Variants in STK3 observed in about 807,000 individuals in gnomAD.
STK3 encodes the protein serine/threonine kinase 3.
Under a neutral mutation model 58.0 loss-of-function variants are expected in STK3, and 41 were observed. That is an observed-to-expected ratio of 0.71 (90% CI 0.55 to 0.92). STK3 has a LOEUF of 0.92. Among genes scored for constraint, STK3 ranks in the 40% least tolerant of loss-of-function variants. STK3 has a pLI of 0.00. For missense variants in STK3, 479 were observed against 602.7 expected (o/e 0.79, Z 2.15); for synonymous variants, 170 against 191.0 (o/e 0.89, Z 0.91).
intron 6 of STK3, among the ~76,000 whole-genome samples, chr8:98,684,170 T>C (rs1032320986): frequency 6.6e-6 from 1 of 152,174 alleles, no homozygotes; most frequent in African/African-American, 2.4e-5. Flanking sequence ...TTAGAAAAGA[T>C]AAAATGTATC....
intron 7 of STK3, among the ~76,000 whole-genome samples, chr8:98,584,495 T>C (rs1291399609): frequency 2.0e-5 from 3 of 152,070 alleles, no homozygotes; most frequent in Non-Finnish European, 2.9e-5. Flanking sequence ...ATCCAGTCTA[T>C]CATTTTTGGA....
intron 4 of STK3, among the ~76,000 whole-genome samples, chr8:98,728,686 G>C (rs2131231745): frequency 6.6e-6 from 1 of 152,272 alleles, no homozygotes; most frequent in Middle Eastern, 3.4e-3. Flanking sequence ...AATCCAGTAT[G>C]AACCAGTATC....
chr8:98,659,425 C>T (rs184461189), intron 6 of STK3, among the ~76,000 whole-genome samples: 1 of 152,002 alleles, frequency 6.6e-6, no homozygotes, highest in Admixed American at 6.6e-5. Flanking sequence ...ACCAGTATCA[C>T]ACAATGCTTT....
intron 1 of STK3, among the ~76,000 whole-genome samples, chr8:98,448,012 G>T (rs549314587): frequency 7.4e-6 from 1 of 135,072 alleles, no homozygotes; most frequent in Non-Finnish European, 1.6e-5. Flanking sequence ...AAAAAAAAAA[G>T]AACTTTAAAA....
At chr8:98,555,284 T>C (rs1270761923) in intron 8 of STK3, among the ~76,000 whole-genome samples, 1 of 152,164 alleles carries the variant, frequency 6.6e-6, no homozygotes, top group East Asian at 1.9e-4. Context: ...TACTCAGTAA[T>C]TGACTGAATT....
downstream of STK3, among the ~76,000 whole-genome samples, chr8:98,367,364 T>C (rs1563584955): frequency 1.3e-5 from 2 of 152,318 alleles, no homozygotes; most frequent in Non-Finnish European, 1.5e-5. Flanking sequence ...TGCTTAGGGA[T>C]AGAAATAATC....
chr8:98,932,775 AGGAC>A (rs1840046907), intron 1 of STK3, among the ~76,000 whole-genome samples: 1 of 152,188 alleles, frequency 6.6e-6, no homozygotes, highest in Non-Finnish European at 1.5e-5. Context: ...AGGCCCTGGG[AGGAC>A]AGCTGGGGTT....
At chr8:98,768,567 T>A (rs1831092038) in intron 2 of STK3, among the ~76,000 whole-genome samples, 2 of 152,166 alleles carry the variant, frequency 1.3e-5, no homozygotes, top group South Asian at 2.1e-4. Context: ...TGTGTGTGTA[T>A]CTCCCCTTGA....
At chr8:98,719,623 A>G (rs903319380) in intron 4 of STK3, among the ~76,000 whole-genome samples, 2 of 152,172 alleles carry the variant, frequency 1.3e-5, no homozygotes, top group African/African-American at 4.8e-5. Flanking sequence ...CTATGATTCT[A>G]TGTTATCAAA....
intron 1 of STK3, among the ~76,000 whole-genome samples, chr8:98,940,445 C>T (rs531998871): frequency 3.6e-4 from 55 of 152,222 alleles, no homozygotes; most frequent in Non-Finnish European, 6.2e-4. Context: ...CCTGAGACCC[C>T]GTGCTCGGCC....
chr8:98,862,616 G>A (rs1460071551), intron 3 of STK3, among the ~76,000 whole-genome samples: 4 of 152,212 alleles, frequency 2.6e-5, no homozygotes, highest in African/African-American at 9.7e-5. Context: ...GGACTTTTTA[G>A]AGACATTGGA....
At chr8:98,586,358 G>A (rs1207029259) in intron 7 of STK3, among the ~76,000 whole-genome samples, 1 of 152,006 alleles carries the variant, frequency 6.6e-6, no homozygotes. Flanking sequence ...AGATAATCAT[G>A]TGGTTTTTGT....
intron 10 of STK3, among the ~76,000 whole-genome samples, chr8:98,475,210 T>C (rs530257118): frequency 1.3e-5 from 2 of 152,316 alleles, no homozygotes; most frequent in South Asian, 2.1e-4. Context: ...ATAATTTCTA[T>C]GGTTGACATC....
At chr8:98,875,532 C>A (rs1306752096) in intron 3 of STK3, 1 of 152,218 alleles carries the variant, frequency 6.6e-6, no homozygotes, top group African/African-American at 2.4e-5. Context: ...TCCAGAAGCT[C>A]AGTCCTTTAA....
chr8:98,802,236 T>A (rs1833603218), intron 1 of STK3, among the ~76,000 whole-genome samples: 2 of 152,216 alleles, frequency 1.3e-5, no homozygotes, highest in South Asian at 4.1e-4. Flanking sequence ...ATACAAAGTT[T>A]TCTAAATCTT....
At chr8:98,592,286 T>C (rs1222913249) in intron 7 of STK3, among the ~76,000 whole-genome samples, 1 of 152,198 alleles carries the variant, frequency 6.6e-6, no homozygotes, top group Non-Finnish European at 1.5e-5. Flanking sequence ...AAGCAGATCT[T>C]ACTGTGTTCT....
At chr8:98,623,351 C>T (rs1291806599) in intron 6 of STK3, among the ~76,000 whole-genome samples, 7 of 152,170 alleles carry the variant, frequency 4.6e-5, no homozygotes, top group Non-Finnish European at 8.8e-5. Context: ...AGCCCTAATG[C>T]TCCATGTTAC....
chr8:98,833,593 G>A (rs1331767502), intron 3 of STK3, among the ~76,000 whole-genome samples: 1 of 152,074 alleles, frequency 6.6e-6, no homozygotes, highest in African/African-American at 2.4e-5. Context: ...TTCCTTTAGG[G>A]CCTGTTATTT....
intron 1 of STK3, among the ~76,000 whole-genome samples, chr8:98,927,730 A>G (rs1411940159): frequency 6.6e-6 from 1 of 152,222 alleles, no homozygotes; most frequent in Admixed American, 6.5e-5. Context: ...GAAAGGAAAG[A>G]CACACTTCCC....
Sources: gnomAD v4.1 joint callset for allele counts (sites outside exome capture counted in the v4.1 genomes callset) on GRCh38, gnomAD v4.1.1 for gene constraint, MANE v1.5 for transcripts, NCBI Gene and HGNC (gene_info 2026-07-23, HGNC 2026-07-21) for gene names.